The following MPPE1 variants were observed in gnomAD, a reference collection of about 807,000 sequenced individuals.
MPPE1 encodes metallophosphoesterase 1.
MPPE1 carries 28 observed loss-of-function variants against 43.8 expected under a neutral mutation model. The ratio of observed to expected loss-of-function variants is 0.64; its 90% CI spans 0.47 to 0.88. The LOEUF is 0.88. Ranked by LOEUF, MPPE1 falls within the 40% of genes least tolerant of loss-of-function variation. The pLI, the probability that MPPE1 is intolerant of heterozygous loss-of-function variation, is 0.00. For missense variants in MPPE1, 428 were observed against 492.2 expected (o/e 0.87, Z 1.23); for synonymous variants, 159 against 188.5 (o/e 0.84, Z 1.28).
rs1567918858 is a variant in MPPE1 at position 11,884,646 on chromosome 18, A to AGTT, written c.1009-22_1009-20dup. On this transcript the variant is annotated intron_variant, in intron 10 of 10. Transcript: ENST00000588072. ...TGCTACCCTGGAAAGGAGAAGGGAA[A>AGTT]GTTATGCTGAGAGCACCAGGCACAC... 6.2e-7 allele frequency: 1 copy of AGTT among 1,610,064 alleles called. No homozygotes were observed. The highest frequency in any genetic ancestry group is 8.5e-7 in the Non-Finnish European group (1 of 1,177,236).
chr18:11,893,199 A>G, intron 4 of MPPE1: 1 of 409,274 alleles, frequency 2.4e-6, no homozygotes, highest in East Asian at 4.2e-5. Context: ...GTGTATTCCA[A>G]CTAAATGATA....
Position 11,901,012 on chromosome 18 carries a change from C to T in MPPE1, c.-92-3656G>A, listed in dbSNP as rs144280495. 3.1e-3 allele frequency among the ~76,000 whole-genome samples: 469 copies of T among 151,728 alleles called. 2 individuals are homozygous for T. The highest frequency in any genetic ancestry group is 0.011 in the African/African-American group (453 of 41,314). On this transcript the variant is annotated intron_variant, in intron 2 of 10. Coordinates refer to ENST00000588072, the MANE Select transcript of MPPE1 (RefSeq NM_023075.6). ...AAACCTAACGGAAAAATTGGCAATA[C>T]CTTCAGAAACTGATAAATGAAGAAA...
intron 10 of MPPE1, chr18:11,885,032 A>G: frequency 7.7e-7 from 1 of 1,295,272 alleles, no homozygotes; most frequent in Non-Finnish European, 1.0e-6. Flanking sequence ...TGCTCAACTA[A>G]GCATCTGTTC....
At chr18:11,900,690 GA>G in intron 2 of MPPE1, among the ~76,000 whole-genome samples, 1 of 151,986 alleles carries the variant, frequency 6.6e-6, no homozygotes, top group East Asian at 1.9e-4. Context: ...GGCAGATCAC[GA>G]GGTCAGGAGA....
Position 11,888,650 on chromosome 18 carries a change from A to G in MPPE1, c.569+19T>C, listed in dbSNP as rs138828508. The stretch of plus-strand genomic sequence containing the variant: ...TCCAAGGACTAAAGGTCTTGGAAGA[A>G]TTTACAAATAATACTCACTTAATGC... On this transcript the variant is annotated intron_variant, in intron 6 of 10. Transcript: ENST00000588072. 2.3e-3 allele frequency: 3,479 copies of G among 1,530,296 alleles called. 3 individuals carry two copies. Among genetic ancestry groups the G allele is most frequent in the Non-Finnish European group, 2.8e-3 (3,088 of 1,119,136 alleles). 94.8% of individuals were successfully genotyped at this position (1,530,296 alleles called of 1,614,324 possible).
At chr18:11,898,204 G>A (rs1438857447) in intron 2 of MPPE1, among the ~76,000 whole-genome samples, 1 of 152,132 alleles carries the variant, frequency 6.6e-6, no homozygotes, top group Non-Finnish European at 1.5e-5. Flanking sequence ...AAGTAGCTGG[G>A]ATTGCAGGCA....
At chr18:11,907,075 G>A (rs1459382064) in intron 1 of MPPE1, among the ~76,000 whole-genome samples, 2 of 151,914 alleles carry the variant, frequency 1.3e-5, no homozygotes, top group Non-Finnish European at 2.9e-5. Flanking sequence ...GGGAAGTGGG[G>A]GTGGAACTTG....
intron 3 of MPPE1, 91 bp downstream of exon 3, chr18:11,896,893 G>A (rs2038668068): frequency 2.6e-6 from 3 of 1,165,926 alleles, no homozygotes; most frequent in Non-Finnish European, 3.6e-6. Flanking sequence ...ATAACTAAGA[G>A]TAACCTAAAG....
At position 11,886,894 on chromosome 18, in the gene MPPE1, G is replaced by GT. The variant is rs769262425; in HGVS notation, c.678+22dup. ...GAGCAACACGGGACAGAAGGCACCT[G>GT]TGGCATTCAGATGCTCTCCTACCTC... is the stretch of plus-strand genomic sequence containing the variant. On this transcript the variant is annotated intron_variant, in intron 7 of 10. Coordinates refer to ENST00000588072, the MANE Select transcript of MPPE1 (RefSeq NM_023075.6). This position sits in a 1 kb window ranked among gnomAD's most constrained non-coding sequence, Gnocchi z 4.1. 1.2e-6 allele frequency: 2 copies of GT among 1,601,342 alleles called. No individual in the cohort carries two copies. Among genetic ancestry groups the GT allele is most frequent in the Non-Finnish European group, 1.7e-6 (2 of 1,170,502 alleles).
At chr18:11,884,809 G>C in intron 10 of MPPE1, 182 bp from the exon 11 acceptor site, 3 of 1,393,432 alleles carry the variant, frequency 2.2e-6, no homozygotes, top group Non-Finnish European at 2.8e-6. Context: ...CCCCCGACCA[G>C]CCCAGGCTCC....
rs558957607 is a variant in MPPE1, at chr18:11,885,766, G to A, written c.918C>T (p.Ser306=). The A allele has an allele frequency of 4.3e-5, 69 of 1,613,718 alleles. No individual in the cohort carries two copies. Among genetic ancestry groups the A allele is most frequent in the African/African-American group, 2.5e-4 (19 of 75,054 alleles). The change falls in exon 10 of 11, where the codon AGC becomes AGT. Residue 306 remains serine (S), a synonymous_variant. Coordinates refer to ENST00000588072, the MANE Select transcript of MPPE1 (RefSeq NM_023075.6). ...PRLVLSGHTH[S]ACEVHHGGRV... ...GGCCCCCGTGGTGCACCTCGCAGGC[G>A]CTGTGCGTGTGGCCACTGAGAACCA...
At chr18:11,900,790 C>G (rs1222914005) in intron 2 of MPPE1, among the ~76,000 whole-genome samples, 1 of 151,628 alleles carries the variant, frequency 6.6e-6, no homozygotes, top group Non-Finnish European at 1.5e-5. Flanking sequence ...GCCTGTAGTC[C>G]CAGCTACTCG....
intron 2 of MPPE1, among the ~76,000 whole-genome samples, chr18:11,901,254 G>C (rs1351951893): frequency 6.6e-6 from 1 of 151,738 alleles, no homozygotes; most frequent in African/African-American, 2.4e-5. Flanking sequence ...TTTTGAGACA[G>C]AGTTTCTCTC....
At chr18:11,904,912 C>T (rs2039562068) in intron 2 of MPPE1, among the ~76,000 whole-genome samples, 1 of 151,870 alleles carries the variant, frequency 6.6e-6, no homozygotes, top group Non-Finnish European at 1.5e-5. Context: ...CATAGCACTC[C>T]AGCCTAGGCG....
At chr18:11,885,011 C>CTGCCCCTG (rs767973345) in intron 10 of MPPE1, 226 of 1,299,468 alleles carry the variant, frequency 1.7e-4, no homozygotes, top group Non-Finnish European at 5.6e-5. Flanking sequence ...AGGTGTCTTC[C>CTGCCCCTG]TGCCCCTTGA....
chr18:11,886,703 C>G lies in MPPE1; in HGVS notation c.744+10G>C. The stretch of plus-strand genomic sequence containing the variant: ...CTGTCTGCCATGAGCCCTTTCCTCC[C>G]CCAGCTCACCTGCAGGAGGACAGGG... On this transcript the variant is annotated intron_variant, in intron 8 of 10. Transcript: ENST00000588072. This position sits in a 1 kb window ranked among gnomAD's most constrained non-coding sequence, Gnocchi z 4.1. 1 of 1,613,802 alleles carries G rather than the reference C, an allele frequency of 6.2e-7. No homozygotes were observed. The highest frequency in any genetic ancestry group is 8.5e-7 in the Non-Finnish European group (1 of 1,180,016).
rs946713826 is a variant in MPPE1 at position 11,906,185 on chromosome 18, A to T, written c.-93+18T>A. 2 of 152,188 alleles carry T rather than the reference A, an allele frequency of 1.3e-5. No homozygotes were observed. The highest frequency in any genetic ancestry group is 1.9e-4 in the East Asian group (1 of 5,200). The allele number at this position is 152,188 out of a possible 1,614,324, so 9.4% of individuals were successfully genotyped here. On this transcript the variant is annotated intron_variant, in intron 2 of 10. Coordinates refer to ENST00000588072, the MANE Select transcript of MPPE1 (RefSeq NM_023075.6). ...TCCAGACATATCCGTAAAATATGGA[A>T]GCTAGATTATATATTACCTATAATT...
intron 1 of MPPE1, among the ~76,000 whole-genome samples, chr18:11,906,873 T>A (rs1056836877): frequency 9.4e-5 from 13 of 138,970 alleles, no homozygotes; most frequent in African/African-American, 3.1e-4. Context: ...AAAAAAAAAA[T>A]TTATCTTTGA....
In MPPE1 at chr18:11,886,877, C is replaced by A; in HGVS notation, c.678+40G>T. 1 of 1,597,378 alleles carries A rather than the reference C, an allele frequency of 6.3e-7. No homozygotes were observed. Among genetic ancestry groups the A allele is most frequent in the South Asian group, 1.1e-5 (1 of 90,296 alleles). Reference sequence around the variant, plus strand: ...AGTGAGCAACCGAAGCGGAGCAACACGGGACAGAAGGCACCTGTGGCATTC... The same window carrying A: ...AGTGAGCAACCGAAGCGGAGCAACAAGGGACAGAAGGCACCTGTGGCATTC... On this transcript the variant is annotated intron_variant, in intron 7 of 10. Coordinates refer to ENST00000588072, the MANE Select transcript of MPPE1 (RefSeq NM_023075.6). This position sits in a 1 kb window ranked among gnomAD's most constrained non-coding sequence, Gnocchi z 4.1.
Sources: gnomAD v4.1 joint callset for allele counts (sites outside exome capture counted in the v4.1 genomes callset) on GRCh38, gnomAD v4.1.1 for gene constraint, Gnocchi (gnomAD v3.1) non-coding constraint, MANE v1.5 for transcripts, NCBI Gene and HGNC (gene_info 2026-07-23, HGNC 2026-07-21) for gene names.